CNTNAP2: variants seen among roughly 807,000 people sequenced by gnomAD.
CNTNAP2 encodes contactin associated protein 2.
CNTNAP2 carries 98 observed loss-of-function variants against 155.2 expected under a neutral mutation model. The observed-to-expected ratio is 0.63, with a 90% CI of 0.54 to 0.75. The LOEUF (loss-of-function observed/expected upper bound fraction) is 0.75, where lower values mean the gene tolerates loss of function less well. Among genes scored for constraint, CNTNAP2 ranks in the 30% least tolerant of loss-of-function variants. CNTNAP2 has a pLI of 0.00. For missense variants in CNTNAP2, 1,727 were observed against 1,688.1 expected, an observed-to-expected ratio of 1.02 and a Z score of -0.40; for synonymous variants, 651 against 631.2, an observed-to-expected ratio of 1.03 and a Z score of -0.47.
chr7:147,821,022 A>G (rs999221076), intron 13 of CNTNAP2, among the ~76,000 whole-genome samples: 3 of 152,156 alleles, frequency 2.0e-5, no homozygotes, highest in Non-Finnish European at 2.9e-5. Flanking sequence ...AAAAGAGAAA[A>G]TAACATATGT....
At chr7:146,227,401 G>A (rs1361696429) in intron 1 of CNTNAP2, among the ~76,000 whole-genome samples, 2 of 144,648 alleles carry the variant, frequency 1.4e-5, no homozygotes, top group African/African-American at 2.6e-5. Context: ...CTCCAGCCTG[G>A]GCAACAGAGT....
intron 8 of CNTNAP2, among the ~76,000 whole-genome samples, chr7:147,147,694 G>A (rs79775056): frequency 0.018 from 2,685 of 152,150 alleles, 67 homozygotes; most frequent in African/African-American, 0.06. Context: ...CAGCTCCCAA[G>A]TGGGCCTCTT....
At chr7:146,806,812 T>C (rs924991572) in intron 2 of CNTNAP2, among the ~76,000 whole-genome samples, 1 of 152,124 alleles carries the variant, frequency 6.6e-6, no homozygotes, top group African/African-American at 2.4e-5. Flanking sequence ...CAGTTAGACT[T>C]TCTGATTTAA....
chr7:147,996,835 T>C (rs1482167545), intron 15 of CNTNAP2, among the ~76,000 whole-genome samples: 1 of 152,224 alleles, frequency 6.6e-6, no homozygotes, highest in Non-Finnish European at 1.5e-5. Context: ...CAGTCATCAA[T>C]GGTAAACATT....
intron 13 of CNTNAP2, among the ~76,000 whole-genome samples, chr7:147,751,055 A>AAAC (rs1797127009): frequency 6.6e-6 from 1 of 151,240 alleles, no homozygotes; most frequent in Non-Finnish European, 1.5e-5. Flanking sequence ...TAAAAAATAA[A>AAAC]AATAATAATA....
chr7:146,199,801 T>A (rs547042852), intron 1 of CNTNAP2, among the ~76,000 whole-genome samples: 22 of 152,184 alleles, frequency 1.4e-4, no homozygotes, highest in Non-Finnish European at 2.5e-4. Flanking sequence ...TCATTTACCT[T>A]TTAATAAAAA....
chr7:147,583,066 G>C (rs909830055), intron 12 of CNTNAP2, among the ~76,000 whole-genome samples: 2 of 152,094 alleles, frequency 1.3e-5, no homozygotes, highest in Admixed American at 6.6e-5. Context: ...TTATTGTTCA[G>C]AGACCTTGTT....
rs192953310 is a variant in CNTNAP2 at position 147,328,017 on chromosome 7, T to C, written c.1498+27727T>C. On this transcript the variant is annotated intron_variant, in intron 9 of 23. Transcript: ENST00000361727. The stretch of plus-strand genomic sequence containing the variant: ...TAGTAGGCCAGAATAAGCTGGCACT[T>C]ATACAAACAAAATCTAGAGACAAAT... Among the ~76,000 whole-genome samples the C allele has an allele frequency of 2.3e-3, 344 of 152,148 alleles. 1 individual carries two copies. Among genetic ancestry groups the C allele is most frequent in the Non-Finnish European group, 3.7e-3 (250 of 67,998 alleles).
intron 1 of CNTNAP2, among the ~76,000 whole-genome samples, chr7:146,241,629 T>C (rs1224132492): frequency 6.6e-6 from 1 of 152,174 alleles, no homozygotes; most frequent in Admixed American, 6.5e-5. Context: ...AAAGACAGCC[T>C]TCCACAAATC....
At chr7:147,343,807 G>C (rs1159338580) in intron 9 of CNTNAP2, among the ~76,000 whole-genome samples, 1 of 152,048 alleles carries the variant, frequency 6.6e-6, no homozygotes, top group Non-Finnish European at 1.5e-5. Flanking sequence ...TCATGTGAGT[G>C]TGTGTCTCTG....
At chr7:146,811,080 T>C (rs1803057760) in intron 2 of CNTNAP2, among the ~76,000 whole-genome samples, 2 of 152,182 alleles carry the variant, frequency 1.3e-5, no homozygotes. Context: ...ATTAGAAGTA[T>C]TGGCCAGTGA....
intron 1 of CNTNAP2, among the ~76,000 whole-genome samples, 164 bp from the exon 2 acceptor site, chr7:146,774,107 A>G (rs753465873): frequency 8.5e-5 from 13 of 152,210 alleles, no homozygotes; most frequent in Non-Finnish European, 1.3e-4. Flanking sequence ...CCTGTGTTAT[A>G]TTATATTTAG....
chr7:146,352,750 G>GTTTTTTTTGTTTTT (rs1794934824), intron 1 of CNTNAP2, among the ~76,000 whole-genome samples: 1 of 64,338 alleles, frequency 1.6e-5, no homozygotes, highest in African/African-American at 6.4e-5. Context: ...GCATAATTCT[G>GTTTTTTTTGTTTTT]TTTTTTTTTT....
intron 17 of CNTNAP2, among the ~76,000 whole-genome samples, chr7:148,161,321 G>A (rs1805534041): frequency 6.6e-6 from 1 of 152,106 alleles, no homozygotes; most frequent in African/African-American, 2.4e-5. Context: ...TGTCCTCAGA[G>A]GTCCTGTCAT....
intron 3 of CNTNAP2, among the ~76,000 whole-genome samples, chr7:146,981,517 G>GT (rs1798017279): frequency 6.6e-6 from 1 of 152,114 alleles, no homozygotes; most frequent in African/African-American, 2.4e-5. Flanking sequence ...GGTGTGATAC[G>GT]TAGCCCATTA....
At chr7:148,119,307 A>G (rs1804547851) in intron 16 of CNTNAP2, among the ~76,000 whole-genome samples, 1 of 151,640 alleles carries the variant, frequency 6.6e-6, no homozygotes, top group South Asian at 2.1e-4. Context: ...GTGGATCACG[A>G]GGTCAGGAGT....
At chr7:147,873,857 T>C (rs1455256263) in intron 13 of CNTNAP2, among the ~76,000 whole-genome samples, 1 of 152,158 alleles carries the variant, frequency 6.6e-6, no homozygotes, top group African/African-American at 2.4e-5. Context: ...GGTATAGGCA[T>C]TGGGTAAATA....
At chr7:147,768,815 A>T (rs954210140) in intron 13 of CNTNAP2, among the ~76,000 whole-genome samples, 1 of 152,152 alleles carries the variant, frequency 6.6e-6, no homozygotes, top group Non-Finnish European at 1.5e-5. Flanking sequence ...GCTACAAAAA[A>T]TTATGAACTG....
chr7:147,240,037 C>G (rs1001289215), intron 8 of CNTNAP2, among the ~76,000 whole-genome samples: 3 of 152,268 alleles, frequency 2.0e-5, no homozygotes, highest in African/African-American at 7.2e-5. Flanking sequence ...TTTGCCACTT[C>G]CTAGCCAAGT....
Sources: allele counts gnomAD v4.1 joint callset (sites outside exome capture counted in the v4.1 genomes callset), GRCh38; gene constraint gnomAD v4.1.1; transcripts MANE v1.5; gene names NCBI Gene and HGNC (gene_info 2026-07-23, HGNC 2026-07-21).